HDAC9: variants seen among roughly 807,000 people sequenced by gnomAD.
HDAC9 encodes the protein MEF-2 interacting transcription repressor (MITR) protein.
Under a neutral mutation model 139.4 loss-of-function variants are expected in HDAC9, and 41 were observed. The observed-to-expected ratio is 0.29, with a 90% CI of 0.23 to 0.38. The LOEUF is 0.38. Ranked by LOEUF, HDAC9 falls within the 10% of genes least tolerant of loss-of-function variation. HDAC9 has a pLI of 1.00. For synonymous variants in HDAC9, 517 were observed against 476.2 expected (o/e 1.09, Z -1.12); for missense variants, 1,147 against 1,297.0 (o/e 0.88, Z 1.78).
Position 18,574,544 on chromosome 7 carries a change from G to A in HDAC9, c.23-10737G>A, listed in dbSNP as rs115558088. On this transcript the variant is annotated intron_variant, in intron 2 of 25. Coordinates refer to ENST00000686413, the MANE Select transcript of HDAC9 (RefSeq NM_178425.4). ...TGGCTTGAAGGTGGGGCTTCACCAG[G>A]TACCCTCCCCTTTCTGCCCAGGAGC... 6.9e-3 allele frequency among the ~76,000 whole-genome samples: 1,048 copies of A among 152,258 alleles called. 11 individuals carry two copies. Among genetic ancestry groups the A allele is most frequent in the Non-Finnish European group, 0.011 (756 of 68,010 alleles).
intron 13 of HDAC9, among the ~76,000 whole-genome samples, chr7:18,737,145 C>T (rs929723098): frequency 3.9e-5 from 6 of 152,044 alleles, no homozygotes; most frequent in Non-Finnish European, 8.8e-5. Flanking sequence ...ATTGGTCTTG[C>T]TAGCAGTCTA....
At chr7:18,698,344 G>C (rs1023037347) in intron 12 of HDAC9, among the ~76,000 whole-genome samples, 2 of 152,060 alleles carry the variant, frequency 1.3e-5, no homozygotes, top group African/African-American at 4.8e-5. Flanking sequence ...TTCCTCCTTT[G>C]GTTTGTGTTT....
rs372778815 is a variant in HDAC9, at chr7:18,989,982, C to G, written c.3171-6041C>G. Among the ~76,000 whole-genome samples, 180 of 151,948 alleles carry G rather than the reference C, an allele frequency of 1.2e-3. 1 individual carries two copies. Among genetic ancestry groups the G allele is most frequent in the African/African-American group, 3.6e-3 (151 of 41,376 alleles). ...AAATTTTTTTCAAAGTTTTCAACTTCTTTGCCTTTCGTTTGAATGTCCTCC... is the reference window on the plus strand; with the variant it reads ...AAATTTTTTTCAAAGTTTTCAACTTGTTTGCCTTTCGTTTGAATGTCCTCC... On this transcript the variant is annotated intron_variant, in intron 25 of 25. Transcript: ENST00000686413.
chr7:18,633,617 C>CA (rs1386263338), intron 7 of HDAC9, among the ~76,000 whole-genome samples: 1 of 151,960 alleles, frequency 6.6e-6, no homozygotes, highest in Non-Finnish European at 1.5e-5. Flanking sequence ...GAAATCATAT[C>CA]AAAAATCCTG....
intron 2 of HDAC9, among the ~76,000 whole-genome samples, chr7:18,224,836 AT>A (rs1792946157): frequency 6.6e-6 from 1 of 152,196 alleles, no homozygotes; most frequent in Non-Finnish European, 1.5e-5. Context: ...AGAAAGGATA[AT>A]AAAGAGGAGG....
chr7:18,814,494 T>A (rs543471704), intron 17 of HDAC9, among the ~76,000 whole-genome samples: 1 of 152,276 alleles, frequency 6.6e-6, no homozygotes, highest in Admixed American at 6.5e-5. Context: ...ATACCAGTGT[T>A]CAGATTGTAC....
intron 1 of HDAC9, among the ~76,000 whole-genome samples, chr7:18,095,323 T>C (rs906475001): frequency 6.6e-6 from 1 of 152,072 alleles, no homozygotes; most frequent in Non-Finnish European, 1.5e-5. Flanking sequence ...CTAGTATTAA[T>C]TGAGAAAATC....
At chr7:18,238,021 T>A (rs1335084052) in intron 2 of HDAC9, among the ~76,000 whole-genome samples, 1 of 152,204 alleles carries the variant, frequency 6.6e-6, no homozygotes, top group Non-Finnish European at 1.5e-5. Flanking sequence ...TTTATTGTGG[T>A]TCCTTCCATG....
chr7:18,559,564 C>A lies in HDAC9; in HGVS notation c.23-25717C>A, dbSNP rs187241409. On this transcript the variant is annotated intron_variant, in intron 2 of 25. Coordinates refer to ENST00000686413, the MANE Select transcript of HDAC9 (RefSeq NM_178425.4). ...ACTGACAACTCTCTCTCAAGACATT[C>A]CCCATCTCTTTTTTCCATCTCTTTG... is the stretch of plus-strand genomic sequence containing the variant. Among the ~76,000 whole-genome samples, 736 of 152,196 alleles carry A rather than the reference C, an allele frequency of 4.8e-3. 5 individuals are homozygous for A. Among genetic ancestry groups the A allele is most frequent in the Middle Eastern group, 0.014 (4 of 290 alleles).
At chr7:18,453,010 G>A (rs935203683) in intron 1 of HDAC9, among the ~76,000 whole-genome samples, 4 of 152,020 alleles carry the variant, frequency 2.6e-5, no homozygotes, top group African/African-American at 9.7e-5. Flanking sequence ...CCCAATGTAA[G>A]TTTACCATGA....
At chr7:18,938,623 C>G (rs1022216399) in intron 23 of HDAC9, among the ~76,000 whole-genome samples, 10 of 151,958 alleles carry the variant, frequency 6.6e-5, no homozygotes, top group African/African-American at 2.4e-4. Context: ...AAAAAAATCT[C>G]AAAATGCTGA....
intron 21 of HDAC9, among the ~76,000 whole-genome samples, chr7:18,837,317 G>A (rs956835205): frequency 6.6e-6 from 1 of 151,818 alleles, no homozygotes; most frequent in African/African-American, 2.4e-5. Flanking sequence ...TTAATTAGGA[G>A]CAAAATAAAA....
intron 2 of HDAC9, among the ~76,000 whole-genome samples, chr7:18,255,818 G>C (rs750336403): frequency 5.9e-5 from 9 of 151,690 alleles, no homozygotes; most frequent in Non-Finnish European, 1.2e-4. Context: ...GGGTAGAGAC[G>C]GGGTTTCACC....
chr7:18,238,978 C>T (rs1475009006), intron 2 of HDAC9, among the ~76,000 whole-genome samples: 1 of 152,146 alleles, frequency 6.6e-6, no homozygotes, highest in Non-Finnish European at 1.5e-5. Flanking sequence ...GTTGTTTTCC[C>T]CATAATTTTT....
At chr7:18,496,688 T>C (rs1797027400) in intron 2 of HDAC9, 1 of 180,292 alleles carries the variant, frequency 5.5e-6, no homozygotes, top group South Asian at 1.8e-4. Flanking sequence ...GGTAAGTTCA[T>C]ATTGGGGCTT....
intron 1 of HDAC9, among the ~76,000 whole-genome samples, chr7:18,328,098 A>G (rs1800610985): frequency 6.6e-6 from 1 of 152,048 alleles, no homozygotes; most frequent in South Asian, 2.1e-4. Context: ...GGAGTTCATT[A>G]CAATAAAATG....
chr7:18,206,761 T>A lies in HDAC9; in HGVS notation c.25+44412T>A, dbSNP rs187866119. 4.4e-3 allele frequency among the ~76,000 whole-genome samples: 666 copies of A among 152,274 alleles called. 4 individuals carry two copies. The highest frequency in any genetic ancestry group is 4.6e-3 in the Non-Finnish European group (313 of 68,008). On this transcript the variant is annotated intron_variant, in intron 2 of 12. Transcript: ENST00000417496. The stretch of plus-strand genomic sequence containing the variant: ...CACTTTTTGGAGGGGTGCATCATGC[T>A]TTTTGAGGACACACTGAAATTTTGT...
intron 1 of HDAC9, among the ~76,000 whole-genome samples, chr7:18,118,886 C>T (rs766827245): frequency 7.2e-5 from 11 of 152,220 alleles, no homozygotes; most frequent in South Asian, 2.1e-4. Context: ...TATGGGAAAT[C>T]GGAAAACACC....
chr7:18,423,901 T>C (rs909406208), intron 1 of HDAC9, among the ~76,000 whole-genome samples: 5 of 152,222 alleles, frequency 3.3e-5, no homozygotes, highest in African/African-American at 1.2e-4. Context: ...TTTTTTGGGA[T>C]GAATTGTTCA....
Sources: allele counts gnomAD v4.1 joint callset (sites outside exome capture counted in the v4.1 genomes callset), GRCh38; gene constraint gnomAD v4.1.1; transcripts MANE v1.5; gene names NCBI Gene and HGNC (gene_info 2026-07-23, HGNC 2026-07-21).